The following VCL variants were observed in gnomAD, a reference collection of about 807,000 sequenced individuals.
The protein encoded by VCL is epididymis luminal protein 114.
A neutral mutation model predicts 125.7 loss-of-function variants in VCL; 47 were observed. That is an observed-to-expected ratio of 0.37 (90% CI 0.30 to 0.48). VCL has a LOEUF of 0.48. Among genes scored for constraint, VCL ranks in the 20% least tolerant of loss-of-function variants. The probability of loss-of-function intolerance (pLI) is 0.99; values close to 1 mark genes in which losing one functional copy is unlikely to be tolerated. For missense variants in VCL, 1,069 were observed against 1,455.5 expected (o/e 0.73, Z 4.32); for synonymous variants, 458 against 514.6 (o/e 0.89, Z 1.49).
intron 8 of VCL, among the ~76,000 whole-genome samples, chr10:74,086,344 T>TC (rs1839771257): frequency 6.6e-6 from 1 of 152,252 alleles, no homozygotes; most frequent in African/African-American, 2.4e-5. Flanking sequence ...TCCAGGACTT[T>TC]CAGGTTGCGT....
Position 74,095,874 on chromosome 10 carries a change from T to C in VCL, c.1743+19T>C, listed in dbSNP as rs542039663. The C allele has an allele frequency of 2.5e-6, 4 of 1,611,156 alleles. No individual in the cohort carries two copies. Among genetic ancestry groups the C allele is most frequent in the African/African-American group, 1.3e-5 (1 of 75,032 alleles). On this transcript the variant is annotated intron_variant, in intron 12 of 21. Transcript: ENST00000211998. Reference sequence around the variant, plus strand: ...CTTAAAGGTAGAAGTCAGGAGCACATATCATTTTACTTTTTATGCTTCCTA... The same window carrying C: ...CTTAAAGGTAGAAGTCAGGAGCACACATCATTTTACTTTTTATGCTTCCTA...
At chr10:74,017,711 A>G (rs1354547288) in intron 1 of VCL, among the ~76,000 whole-genome samples, 2 of 139,952 alleles carry the variant, frequency 1.4e-5, no homozygotes, top group Non-Finnish European at 3.3e-5. Flanking sequence ...GCATGCCACC[A>G]TGTCTGGCTA....
At chr10:74,011,165 C>CA (rs71021585) in intron 1 of VCL, among the ~76,000 whole-genome samples, 2,544 of 52,244 alleles carry the variant, frequency 0.049, 383 homozygotes, top group African/African-American at 0.16. Context: ...AACTCTATCT[C>CA]AAAAAAAAAA....
chr10:74,002,083 G>A (rs1171787227), intron 1 of VCL, among the ~76,000 whole-genome samples: 1 of 152,088 alleles, frequency 6.6e-6, no homozygotes, highest in Non-Finnish European at 1.5e-5. Flanking sequence ...CAATGTCAAA[G>A]CAATAAGTGT....
At chr10:74,098,939 T>C (rs1304131310) in intron 13 of VCL, among the ~76,000 whole-genome samples, 1 of 152,238 alleles carries the variant, frequency 6.6e-6, no homozygotes, top group Non-Finnish European at 1.5e-5. Context: ...ATTTGTGAGT[T>C]GTCATTGACT....
At chr10:74,037,005 G>C (rs1274075857) in intron 1 of VCL, among the ~76,000 whole-genome samples, 1 of 151,830 alleles carries the variant, frequency 6.6e-6, no homozygotes, top group African/African-American at 2.4e-5. Context: ...CTGCCTCCCG[G>C]GTTCGCGCCA....
intron 2 of VCL, among the ~76,000 whole-genome samples, chr10:74,069,042 GT>G (rs1027244273): frequency 2.1e-4 from 30 of 145,398 alleles, no homozygotes; most frequent in Non-Finnish European, 2.1e-4. Flanking sequence ...ACTGCCTTAT[GT>G]TTTTTTTTTT....
At chr10:74,077,669 C>T in intron 6 of VCL, 1 of 450,608 alleles carries the variant, frequency 2.2e-6, no homozygotes, top group Non-Finnish European at 4.5e-6. Flanking sequence ...CTTTGTCTTA[C>T]CATACTTGTT....
At chr10:74,039,072 C>T (rs2136245974) in intron 1 of VCL, among the ~76,000 whole-genome samples, 1 of 152,178 alleles carries the variant, frequency 6.6e-6, no homozygotes, top group Middle Eastern at 3.4e-3. Context: ...CCACCACGCC[C>T]AGCTAATTTT....
In VCL at chr10:74,095,525, G is replaced by T. The variant is rs561482447; in HGVS notation, c.1544-131G>T. The stretch of plus-strand genomic sequence containing the variant: ...GGATTGCTTGAGCCGGCAGGTCAAG[G>T]CTGCAATGAGCTGTTGTTCCACTGC... On this transcript the variant is annotated intron_variant, in intron 11 of 21. Coordinates refer to ENST00000211998, the MANE Select transcript of VCL (RefSeq NM_014000.3). 16 of 1,150,572 alleles carry T rather than the reference G, an allele frequency of 1.4e-5. No homozygotes were observed. In the East Asian group the frequency reaches 4.0e-4, roughly 29 times the overall value. 71.3% of individuals were successfully genotyped at this position (1,150,572 alleles called of 1,614,324 possible).
chr10:74,031,962 G>C (rs1009298236), intron 1 of VCL, among the ~76,000 whole-genome samples: 2 of 151,324 alleles, frequency 1.3e-5, no homozygotes, highest in Non-Finnish European at 2.9e-5. Flanking sequence ...TACTTGGGAG[G>C]CTGAGGCAGG....
At chr10:74,055,848 A>G (rs780562137) in intron 2 of VCL, among the ~76,000 whole-genome samples, 1 of 152,160 alleles carries the variant, frequency 6.6e-6, no homozygotes, top group Non-Finnish European at 1.5e-5. Context: ...AACTCTGCAC[A>G]CTCAGAATCT....
In VCL at chr10:74,114,408, CGTGTGTGTGTGTGTGT is replaced by C. The variant is rs3037359; in HGVS notation, c.3153+35_3153+50del. 1.3e-5 allele frequency: 19 copies of C among 1,452,340 alleles called. No homozygotes were observed. In the East Asian group the frequency reaches 1.7e-4, roughly 13 times the overall value. The allele number at this position is 1,452,340 out of a possible 1,614,324, so 90.0% of individuals were successfully genotyped here. A position where few individuals can be genotyped will look rare whatever the true frequency, so the allele number is the denominator to read the frequency against. On this transcript the variant is annotated intron_variant, in intron 20 of 21. Coordinates refer to ENST00000211998, the MANE Select transcript of VCL (RefSeq NM_014000.3). The stretch of plus-strand genomic sequence containing the variant: ...TACAGGTACTCGGGGAAAGAGGCTG[CGTGTGTGTGTGTGTGT>C]GTGTGTGTGTGTGCGTGTGTGTGTG...
In VCL at chr10:74,083,348, A is replaced by AAT; in HGVS notation, c.875-15_875-14dup. On this transcript the variant is annotated splice_polypyrimidine_tract_variant and intron_variant, in intron 7 of 21. Transcript: ENST00000211998. ...GAATGTGTCAACAATGTAGTTATTGAATATCTCTTTATTTTAGGGGATGCT... is the reference window on the plus strand; with the variant it reads ...GAATGTGTCAACAATGTAGTTATTGAATATATCTCTTTATTTTAGGGGATGCT... The AAT allele has an allele frequency of 6.2e-7, 1 of 1,613,644 alleles. No individual in the cohort carries two copies.
chr10:74,107,495 C>T (rs768049994), intron 17 of VCL, 141 bp downstream of exon 17: 59 of 1,392,492 alleles, frequency 4.2e-5, no homozygotes, highest in Non-Finnish European at 5.0e-5. Flanking sequence ...AGGCAGATCT[C>T]GATTTTCATT....
rs185952124 is a variant in VCL, at chr10:74,113,607, A to G, written c.2950-577A>G. On this transcript the variant is annotated intron_variant, in intron 19 of 21. Transcript: ENST00000211998. Reference sequence around the variant, plus strand: ...TTTTTTTTTTTCCCTCACCCAGCTGAGAATAGTTACTTGGGTTTGAAATTC... The same window carrying G: ...TTTTTTTTTTTCCCTCACCCAGCTGGGAATAGTTACTTGGGTTTGAAATTC... 1.3e-4 allele frequency among the ~76,000 whole-genome samples: 19 copies of G among 150,860 alleles called. No homozygotes were observed. In the East Asian group the frequency reaches 3.7e-3, roughly 29 times the overall value.
At chr10:74,046,194 C>T (rs796817238) in intron 2 of VCL, among the ~76,000 whole-genome samples, 3 of 152,076 alleles carry the variant, frequency 2.0e-5, no homozygotes, top group African/African-American at 7.2e-5. Context: ...AAGGTTTCTT[C>T]GAGCTCTGAT....
At chr10:74,005,564 A>G (rs1245692982) in intron 1 of VCL, among the ~76,000 whole-genome samples, 1 of 152,036 alleles carries the variant, frequency 6.6e-6, no homozygotes, top group Non-Finnish European at 1.5e-5. Flanking sequence ...CCAGAGACAG[A>G]GATATATTTT....
chr10:74,117,029 A>G (rs1840320781), intron 21 of VCL, among the ~76,000 whole-genome samples: 1 of 152,214 alleles, frequency 6.6e-6, no homozygotes, highest in South Asian at 2.1e-4. Flanking sequence ...TTGACTTTCT[A>G]TGGTAGAGTA....
Sources: gnomAD v4.1 joint callset for allele counts (sites outside exome capture counted in the v4.1 genomes callset) on GRCh38, gnomAD v4.1.1 for gene constraint, MANE v1.5 for transcripts, NCBI Gene and HGNC (gene_info 2026-07-23, HGNC 2026-07-21) for gene names.